The following ABCB1 variants were observed in gnomAD, a reference collection of about 807,000 sequenced individuals.
The protein encoded by ABCB1 is ATP binding cassette subfamily B member 1, also known as ATP-dependent translocase ABCB1.
Under a neutral mutation model 142.0 loss-of-function variants are expected in ABCB1, and 69 were observed. That is an observed-to-expected ratio of 0.49 (90% CI 0.40 to 0.59). The LOEUF (loss-of-function observed/expected upper bound fraction) is 0.59, where lower values mean the gene tolerates loss of function less well. Ranked by LOEUF, ABCB1 falls within the 20% of genes least tolerant of loss-of-function variation. The pLI is 0.00. For missense variants in ABCB1, 1,326 were observed against 1,554.7 expected, an observed-to-expected ratio of 0.85 and a Z score of 2.47; for synonymous variants, 532 against 539.2, an observed-to-expected ratio of 0.99 and a Z score of 0.18.
chr7:87,628,809 G>C, intron 1 of ABCB1: 2 of 1,232,670 alleles, frequency 1.6e-6, no homozygotes, highest in Non-Finnish European at 2.1e-6. Context: ...AAAGGGGCAC[G>C]GGGGTAAGCC....
At position 87,553,317 on chromosome 7, in the gene ABCB1, C is replaced by CTTT. The variant is rs941637830; in HGVS notation, c.999+441_999+443dup. Among the ~76,000 whole-genome samples the CTTT allele has an allele frequency of 2.9e-3, 323 of 112,646 alleles. 3 individuals are homozygous for CTTT. The highest frequency in any genetic ancestry group is 4.9e-3 in the African/African-American group (136 of 27,634). 73.9% of individuals were successfully genotyped at this position (112,646 alleles called of 152,430 possible). ...GTCGGATGCATCTAATTTTTTTCCA[C>CTTT]TTTTTTTTTTTTTTTTTTTTTTTGA... On this transcript the variant is annotated intron_variant, in intron 9 of 27. Transcript: ENST00000622132.
At chr7:87,506,490 C>T (rs1034837391) in intron 26 of ABCB1, among the ~76,000 whole-genome samples, 1 of 152,154 alleles carries the variant, frequency 6.6e-6, no homozygotes, top group African/African-American at 2.4e-5. Context: ...GGGATATCAG[C>T]CTTTTAGTGT....
chr7:87,680,322 G>A (rs1826801923), intron 1 of ABCB1, among the ~76,000 whole-genome samples: 1 of 150,586 alleles, frequency 6.6e-6, no homozygotes, highest in Non-Finnish European at 1.5e-5. Flanking sequence ...ATAACTCTTG[G>A]ATCAAAGAGG....
At chr7:87,706,002 G>A (rs962131829) in intron 1 of ABCB1, among the ~76,000 whole-genome samples, 2 of 151,966 alleles carry the variant, frequency 1.3e-5, no homozygotes, top group Non-Finnish European at 2.9e-5. Flanking sequence ...ATTTTGTGAG[G>A]GATTGTCCCC....
At chr7:87,531,699 A>G (rs181737450) in intron 20 of ABCB1, 1 of 572,864 alleles carries the variant, frequency 1.7e-6, no homozygotes, top group East Asian at 3.0e-5. Flanking sequence ...TAGAATATCA[A>G]CAATCTAGAG....
At position 87,550,763 on chromosome 7, in the gene ABCB1, T is replaced by A; in HGVS notation, c.1075A>T (p.Arg359Ter). The change falls in exon 10 of 28, where the codon AGA (arginine) becomes TGA (stop). Residue 359 changes from arginine to a stop codon, truncating the protein, a stop_gained. Coordinates refer to ENST00000622132, the MANE Select transcript of ABCB1 (RefSeq NM_001348946.2). LOFTEE classifies it high-confidence loss of function. ...SPSIEAFANA[R>*]GAAYEIFKII... The stretch of plus-strand genomic sequence containing the variant: ...TTGAAGATTTCATAAGCTGCTCCTC[T>A]TGCATTTGCAAATGCTTCAATGCTT... 6.2e-7 allele frequency: 1 copy of A among 1,613,918 alleles called. No homozygotes were observed. The highest frequency in any genetic ancestry group is 8.5e-7 in the Non-Finnish European group (1 of 1,179,784).
At chr7:87,521,709 A>G in intron 21 of ABCB1, 2 of 954,506 alleles carry the variant, frequency 2.1e-6, no homozygotes, top group Non-Finnish European at 3.4e-6. Context: ...TGGATGGAAG[A>G]GTTGTGGAAC....
rs373344881 is a variant in ABCB1, at chr7:87,652,621, G to GATATATATATATATAT, written c.-330-51559_-330-51544dup. On this transcript the variant is annotated intron_variant, in intron 1 of 28. Transcript: ENST00000265724. ...CTGTCAGTTGACTCTTGTGGTCACT[G>GATATATATATATATAT]ATATATATATATATATATATATATA... Among the ~76,000 whole-genome samples, 754 of 125,262 alleles carry GATATATATATATATAT rather than the reference G, an allele frequency of 6.0e-3. 16 individuals are homozygous for GATATATATATATATAT. Among genetic ancestry groups the GATATATATATATATAT allele is most frequent in the African/African-American group, 0.011 (317 of 29,076 alleles). 82.2% of individuals were successfully genotyped at this position (125,262 alleles called of 152,430 possible).
intron 1 of ABCB1, among the ~76,000 whole-genome samples, chr7:87,664,689 A>C (rs1162829219): frequency 6.6e-6 from 1 of 152,148 alleles, no homozygotes; most frequent in African/African-American, 2.4e-5. Context: ...GTAAATCAAT[A>C]GAAATGATCC....
At chr7:87,556,192 A>G (rs1237908686) in intron 8 of ABCB1, among the ~76,000 whole-genome samples, 1 of 152,242 alleles carries the variant, frequency 6.6e-6, no homozygotes, top group Non-Finnish European at 1.5e-5. Flanking sequence ...AACCATTGGT[A>G]TGTAGGAAAT....
At chr7:87,601,052 G>A (rs1221343444), upstream of ABCB1, 2 of 152,346 alleles carry the variant, frequency 1.3e-5, no homozygotes, top group East Asian at 3.9e-4. Context: ...TTTCCAGGAG[G>A]AATGTTCTGG....
At chr7:87,652,354 C>T (rs1585007480) in intron 1 of ABCB1, among the ~76,000 whole-genome samples, 1 of 152,144 alleles carries the variant, frequency 6.6e-6, no homozygotes, top group East Asian at 1.9e-4. Context: ...TGGATGCCTC[C>T]TGCGCACTAA....
chr7:87,646,465 G>A (rs1823013564), intron 1 of ABCB1, among the ~76,000 whole-genome samples: 1 of 152,028 alleles, frequency 6.6e-6, no homozygotes, highest in African/African-American at 2.4e-5. Context: ...ATAAGTTTTG[G>A]TGTATTTTAT....
At chr7:87,626,312 G>GTGTCATA (rs1820521959) in intron 1 of ABCB1, among the ~76,000 whole-genome samples, 1 of 7,322 alleles carries the variant, frequency 1.4e-4, no homozygotes. Context: ...TATATGTGTC[G>GTGTCATA]TATATGTGTC....
At chr7:87,659,882 C>G (rs557727118) in intron 1 of ABCB1, among the ~76,000 whole-genome samples, 1 of 152,140 alleles carries the variant, frequency 6.6e-6, no homozygotes, top group African/African-American at 2.4e-5. Flanking sequence ...CAGAAGTTGC[C>G]TTTATTTTTT....
At chr7:87,684,924 A>G (rs1827311678) in intron 1 of ABCB1, among the ~76,000 whole-genome samples, 1 of 152,074 alleles carries the variant, frequency 6.6e-6, no homozygotes, top group South Asian at 2.1e-4. Context: ...AAAAAAGTGA[A>G]CCTTGTTCCT....
chr7:87,668,186 G>C (rs919675712), intron 1 of ABCB1, among the ~76,000 whole-genome samples: 2 of 151,850 alleles, frequency 1.3e-5, no homozygotes, highest in African/African-American at 4.8e-5. Flanking sequence ...TCTGCTCAGG[G>C]AATCAGTTTC....
In ABCB1 at chr7:87,700,453, C is replaced by T. The variant is rs545413671; in HGVS notation, c.-331+12708G>A. On this transcript the variant is annotated intron_variant, in intron 1 of 28. Coordinates refer to the ABCB1 transcript ENST00000265724. The stretch of plus-strand genomic sequence containing the variant: ...AACCTGGTTTGGTTATGAAAGTCCT[C>T]GTAGCTTCTGGGACTATATCAGAGT... 9 of 1,612,434 alleles carry T rather than the reference C, an allele frequency of 5.6e-6. No homozygotes were observed. The highest frequency in any genetic ancestry group is 4.5e-5 in the East Asian group (2 of 44,830).
At chr7:87,561,606 T>C (rs1205712751) in intron 7 of ABCB1, among the ~76,000 whole-genome samples, 1 of 152,214 alleles carries the variant, frequency 6.6e-6, no homozygotes, top group Non-Finnish European at 1.5e-5. Flanking sequence ...GAGGGTCCTA[T>C]TATGAAAGCT....
Sources: gnomAD v4.1 joint callset for allele counts (sites outside exome capture counted in the v4.1 genomes callset) on GRCh38, gnomAD v4.1.1 for gene constraint, MANE v1.5 for transcripts, NCBI Gene and HGNC (gene_info 2026-07-23, HGNC 2026-07-21) for gene names.